RORA: variants seen among roughly 807,000 people sequenced by gnomAD.
RORA encodes the protein RAR related orphan receptor A, also known as nuclear receptor ROR-alpha.
RORA carries 7 observed loss-of-function variants against 69.5 expected under a neutral mutation model. The ratio of observed to expected loss-of-function variants is 0.10; its 90% CI spans 0.06 to 0.19. RORA has a LOEUF of 0.19. RORA is among the 10% of genes least tolerant of loss of function. RORA has a pLI of 1.00. For missense variants in RORA, 457 were observed against 663.0 expected (o/e 0.69, Z 3.41); for synonymous variants, 261 against 240.8 (o/e 1.08, Z -0.78).
chr15:61,189,186 C>G, intron 1 of RORA, among the ~76,000 whole-genome samples: 1 of 152,136 alleles, frequency 6.6e-6, no homozygotes, highest in South Asian at 2.1e-4. Context: ...TTAACACAGT[C>G]CTTAAATGTC....
chr15:60,936,887 A>G (rs1033681244), intron 1 of RORA, among the ~76,000 whole-genome samples: 3 of 152,234 alleles, frequency 2.0e-5, no homozygotes, highest in South Asian at 2.1e-4. Flanking sequence ...AACCACTTCA[A>G]GAAGGATAAA....
intron 1 of RORA, among the ~76,000 whole-genome samples, chr15:60,826,021 A>T (rs1195635078): frequency 6.6e-6 from 1 of 152,196 alleles, no homozygotes; most frequent in Non-Finnish European, 1.5e-5. Flanking sequence ...TCTGAAAACA[A>T]TTTAAGCCTT....
intron 1 of RORA, among the ~76,000 whole-genome samples, chr15:60,704,129 T>C (rs1477008150): frequency 3.9e-5 from 6 of 152,256 alleles, no homozygotes; most frequent in Admixed American, 2.6e-4. Context: ...CAAGGAATTT[T>C]ACCTCTGACT....
intron 1 of RORA, among the ~76,000 whole-genome samples, chr15:60,811,262 T>A (rs1323430955): frequency 6.6e-6 from 1 of 152,206 alleles, no homozygotes; most frequent in South Asian, 2.1e-4. Flanking sequence ...TTTTAGCCCA[T>A]CGATTTCATT....
intron 2 of RORA, among the ~76,000 whole-genome samples, chr15:60,538,427 T>C (rs1555428285): frequency 1.3e-5 from 2 of 152,076 alleles, no homozygotes; most frequent in East Asian, 1.9e-4. Flanking sequence ...CCTATATAAA[T>C]GGGAAGCTTC....
intron 1 of RORA, among the ~76,000 whole-genome samples, chr15:60,982,806 G>T (rs1001026744): frequency 2.6e-5 from 4 of 152,118 alleles, no homozygotes; most frequent in African/African-American, 9.7e-5. Flanking sequence ...TTACATTCCA[G>T]AGTTCTGAAA....
chr15:60,505,919 A>G (rs982114205), intron 5 of RORA, among the ~76,000 whole-genome samples: 3 of 152,212 alleles, frequency 2.0e-5, no homozygotes, highest in Non-Finnish European at 4.4e-5. Flanking sequence ...ATGAAAAAAT[A>G]TTGACCTAGA....
At chr15:61,118,586 C>T (rs993136448) in intron 1 of RORA, among the ~76,000 whole-genome samples, 3 of 151,990 alleles carry the variant, frequency 2.0e-5, no homozygotes, top group East Asian at 3.9e-4. Context: ...CACGGGGCCC[C>T]GAGAGTTAAG....
chr15:60,784,919 C>T (rs2072315101), intron 1 of RORA, among the ~76,000 whole-genome samples: 4 of 152,168 alleles, frequency 2.6e-5, no homozygotes. Flanking sequence ...TATTCCCTGA[C>T]CAGATGCTTC....
chr15:61,194,543 G>GA lies in RORA; in HGVS notation c.166+34509dup, dbSNP rs10670983. Among the ~76,000 whole-genome samples, 282 of 143,466 alleles carry GA rather than the reference G, an allele frequency of 2.0e-3. 4 individuals are homozygous for GA. The highest frequency in any genetic ancestry group is 6.4e-3 in the African/African-American group (249 of 38,764). 94.1% of individuals were successfully genotyped at this position (143,466 alleles called of 152,430 possible). Reference sequence around the variant, plus strand: ...GTGCCACTGCACTCCAGCCTAGGAGGAAAAAAAAAAAAAGCTGTAACACTT... The same window carrying GA: ...GTGCCACTGCACTCCAGCCTAGGAGGAAAAAAAAAAAAAAGCTGTAACACTT... On this transcript the variant is annotated intron_variant, in intron 1 of 10. Transcript: ENST00000335670.
At chr15:61,206,879 C>T (rs961505545) in intron 1 of RORA, among the ~76,000 whole-genome samples, 3 of 152,198 alleles carry the variant, frequency 2.0e-5, no homozygotes, top group Admixed American at 1.3e-4. Flanking sequence ...AAAGGCAAAG[C>T]TTTCGCAGGA....
chr15:60,692,506 G>A (rs2070842410), intron 1 of RORA, among the ~76,000 whole-genome samples: 1 of 152,194 alleles, frequency 6.6e-6, no homozygotes, highest in African/African-American at 2.4e-5. Context: ...AGGAAACAAG[G>A]GAGAATGTGA....
In RORA at chr15:60,693,739, G is replaced by C. The variant is rs576684975; in HGVS notation, c.167-15053C>G. On this transcript the variant is annotated intron_variant, in intron 1 of 10. Transcript: ENST00000335670. ...TACCTAGGAATACATCTAAGAAGGG[G>C]AGTGAAGGGCCTCTTCAAGGAGAAC... is the stretch of plus-strand genomic sequence containing the variant. Among the ~76,000 whole-genome samples the C allele has an allele frequency of 2.8e-4, 43 of 152,192 alleles. No individual in the cohort carries two copies. The East Asian group carries it at 8.1e-3, about 29-fold the overall frequency.
At chr15:60,550,484 A>G (rs2067200642) in intron 2 of RORA, among the ~76,000 whole-genome samples, 1 of 152,266 alleles carries the variant, frequency 6.6e-6, no homozygotes, top group African/African-American at 2.4e-5. Flanking sequence ...AAAAGATATC[A>G]AACTTTTTTT....
chr15:60,500,430 C>T (rs2065295269), intron 9 of RORA, among the ~76,000 whole-genome samples: 1 of 152,088 alleles, frequency 6.6e-6, no homozygotes, highest in Non-Finnish European at 1.5e-5. Flanking sequence ...AATAGAATTC[C>T]AACTGACTTA....
chr15:60,852,732 G>C (rs2073339438), intron 1 of RORA, among the ~76,000 whole-genome samples: 2 of 152,200 alleles, frequency 1.3e-5, no homozygotes, highest in African/African-American at 4.8e-5. Context: ...TGTGGGGTGA[G>C]TCTGCAGCAA....
At chr15:61,018,735 A>G (rs951325801) in intron 1 of RORA, among the ~76,000 whole-genome samples, 1 of 152,244 alleles carries the variant, frequency 6.6e-6, no homozygotes, top group African/African-American at 2.4e-5. Context: ...AATCATACAT[A>G]TAACACATAT....
At chr15:60,737,556 T>G (rs7171107) in intron 1 of RORA, among the ~76,000 whole-genome samples, 4,261 of 152,288 alleles carry the variant, frequency 0.028, 217 homozygotes, top group African/African-American at 0.098. Context: ...GCAATCTGTT[T>G]TTAACAAGTC....
chr15:60,665,513 A>C (rs1476150400), intron 2 of RORA, among the ~76,000 whole-genome samples: 1 of 152,216 alleles, frequency 6.6e-6, no homozygotes, highest in Non-Finnish European at 1.5e-5. Flanking sequence ...TAAATCTTAC[A>C]AACTGCAGAA....
Sources: allele counts gnomAD v4.1 joint callset (sites outside exome capture counted in the v4.1 genomes callset), GRCh38; gene constraint gnomAD v4.1.1; transcripts MANE v1.5; gene names NCBI Gene and HGNC (gene_info 2026-07-23, HGNC 2026-07-21).